Variants in STIM2 observed in about 807,000 individuals in gnomAD.
The protein encoded by STIM2 is stromal interaction molecule 2.
Under a neutral mutation model 85.8 loss-of-function variants are expected in STIM2, and 31 were observed. That is an observed-to-expected ratio of 0.36 (90% CI 0.27 to 0.49). The LOEUF (loss-of-function observed/expected upper bound fraction) is 0.49. Ranked by LOEUF, STIM2 falls within the 20% of genes least tolerant of loss-of-function variation. The pLI is 0.98. For missense variants in STIM2, 841 were observed against 927.6 expected (o/e 0.91, Z 1.21); for synonymous variants, 356 against 331.1 (o/e 1.08, Z -0.82).
chr4:26,887,340 C>G (rs1723295991), intron 1 of STIM2, among the ~76,000 whole-genome samples: 1 of 151,990 alleles, frequency 6.6e-6, no homozygotes, highest in Non-Finnish European at 1.5e-5. Flanking sequence ...TAAGATCACA[C>G]CGTGCTGTTA....
intron 3 of STIM2, among the ~76,000 whole-genome samples, chr4:26,964,282 C>A (rs1400551066): frequency 1.3e-4 from 20 of 151,900 alleles, no homozygotes; most frequent in Admixed American, 1.2e-3. Context: ...CTGTATCTGT[C>A]TTGATAGCAA....
intron 1 of STIM2, among the ~76,000 whole-genome samples, chr4:26,905,650 T>C (rs1483726848): frequency 6.6e-6 from 1 of 152,108 alleles, no homozygotes; most frequent in Non-Finnish European, 1.5e-5. Flanking sequence ...AAAGAGAAAA[T>C]TTTGTAGCAT....
At chr4:26,933,749 A>AT (rs900503620) in intron 2 of STIM2, among the ~76,000 whole-genome samples, 1 of 151,410 alleles carries the variant, frequency 6.6e-6, no homozygotes, top group African/African-American at 2.4e-5. Flanking sequence ...AAAAAAAAAA[A>AT]AAAAAACAAG....
At chr4:26,987,681 C>T (rs954594752) in intron 3 of STIM2, among the ~76,000 whole-genome samples, 1 of 152,206 alleles carries the variant, frequency 6.6e-6, no homozygotes, top group African/African-American at 2.4e-5. Context: ...TGATGAAGAA[C>T]TGACGTAGCT....
intron 2 of STIM2, among the ~76,000 whole-genome samples, chr4:26,942,770 T>G (rs539729526): frequency 1.3e-5 from 2 of 152,254 alleles, no homozygotes; most frequent in South Asian, 4.1e-4. Flanking sequence ...GGTTTCCCCT[T>G]TATCTCCTTG....
chr4:26,995,357 A>G (rs368372737), intron 3 of STIM2, 22 bp from the exon 4 acceptor site: 3 of 1,374,506 alleles, frequency 2.2e-6, no homozygotes, highest in Non-Finnish European at 2.0e-6. Flanking sequence ...TAAAATATGC[A>G]TTCCCCTTTT....
At chr4:26,995,043 A>G (rs1460970389) in intron 3 of STIM2, among the ~76,000 whole-genome samples, 1 of 152,126 alleles carries the variant, frequency 6.6e-6, no homozygotes, top group African/African-American at 2.4e-5. Context: ...TTACAATACT[A>G]TATGGGTGGA....
chr4:26,862,393 A>G (rs1419092237), intron 1 of STIM2, among the ~76,000 whole-genome samples: 1 of 151,890 alleles, frequency 6.6e-6, no homozygotes, highest in Non-Finnish European at 1.5e-5. Context: ...TTGTAAGACT[A>G]AAAAGTTTAA....
intron 1 of STIM2, among the ~76,000 whole-genome samples, chr4:26,904,784 G>A (rs754223327): frequency 1.1e-3 from 168 of 150,762 alleles, no homozygotes; most frequent in Admixed American, 2.0e-3. Context: ...TTTAAAGGAT[G>A]GGAGCAAAAG....
rs574296469 is a variant in STIM2 at position 26,870,223 on chromosome 4, G to C, written c.151+8854G>C. Among the ~76,000 whole-genome samples the C allele has an allele frequency of 1.1e-4, 16 of 151,660 alleles. No individual in the cohort carries two copies. The East Asian group carries it at 1.9e-3, about 18-fold the overall frequency. On this transcript the variant is annotated intron_variant, in intron 1 of 11. Transcript: ENST00000467087. ...TCGGAGATCTAATGTACAACAGTGT[G>C]ACTGTAGTTAATAGTGTCATATACT...
At chr4:27,011,316 A>G (rs1274095876) in intron 10 of STIM2, among the ~76,000 whole-genome samples, 2 of 152,238 alleles carry the variant, frequency 1.3e-5, no homozygotes, top group Non-Finnish European at 2.9e-5. Flanking sequence ...GATGAATTAA[A>G]GTCACTGCTT....
At chr4:26,917,524 G>A (rs545853341) in intron 1 of STIM2, among the ~76,000 whole-genome samples, 1 of 150,994 alleles carries the variant, frequency 6.6e-6, no homozygotes, top group Admixed American at 6.6e-5. Context: ...GTAGACTTGA[G>A]AGAGAGTATT....
rs755800120 is a variant in STIM2 at position 26,957,568 on chromosome 4, A to G, written c.283-44A>G. Reference sequence around the variant, plus strand: ...ATCTTTTTCTCTAGTTGTCAAGACTAAGGTAATGAATTTATATTTAACTTA... The same window carrying G: ...ATCTTTTTCTCTAGTTGTCAAGACTGAGGTAATGAATTTATATTTAACTTA... On this transcript the variant is annotated intron_variant, in intron 2 of 11. Coordinates refer to ENST00000467087, the MANE Select transcript of STIM2 (RefSeq NM_020860.4). 1.8e-5 allele frequency: 20 copies of G among 1,134,816 alleles called. No homozygotes were observed. The African/African-American group carries it at 2.9e-4, about 17-fold the overall frequency. 70.3% of individuals were successfully genotyped at this position (1,134,816 alleles called of 1,614,324 possible).
At chr4:27,015,657 G>A (rs143299829) in intron 10 of STIM2, among the ~76,000 whole-genome samples, 4 of 152,070 alleles carry the variant, frequency 2.6e-5, no homozygotes, top group African/African-American at 9.6e-5. Flanking sequence ...CTGTTGAGAA[G>A]TTTGTAGTCA....
intron 3 of STIM2, among the ~76,000 whole-genome samples, chr4:26,973,675 G>A (rs1727067133): frequency 6.6e-6 from 1 of 152,176 alleles, no homozygotes; most frequent in African/African-American, 2.4e-5. Flanking sequence ...GTCAATTTTA[G>A]AATAAGTGCG....
intron 1 of STIM2, among the ~76,000 whole-genome samples, chr4:26,895,345 A>G (rs1341618732): frequency 6.6e-6 from 1 of 152,052 alleles, no homozygotes; most frequent in Non-Finnish European, 1.5e-5. Flanking sequence ...TAGGTACTGT[A>G]TTTATTCTTA....
At chr4:26,970,059 T>C (rs1212765907) in intron 3 of STIM2, among the ~76,000 whole-genome samples, 2 of 150,714 alleles carry the variant, frequency 1.3e-5, no homozygotes, top group African/African-American at 4.9e-5. Context: ...TTTTCCAAAA[T>C]AAAAAAAATG....
At chr4:27,007,789 T>C in intron 8 of STIM2, 89 bp downstream of exon 8, 1 of 1,341,380 alleles carries the variant, frequency 7.5e-7, no homozygotes, top group Non-Finnish European at 9.9e-7. Context: ...CAGATCTGAA[T>C]AAAAGTTTTA....
At chr4:26,885,859 A>ATGTGTATATATATATATATATG (rs1396343361) in intron 1 of STIM2, among the ~76,000 whole-genome samples, 2 of 89,440 alleles carry the variant, frequency 2.2e-5, no homozygotes, top group African/African-American at 4.2e-5. Context: ...ATATATATAT[A>ATGTGTATATATATATATATATG]TATATATATA....
Sources: allele counts gnomAD v4.1 joint callset (sites outside exome capture counted in the v4.1 genomes callset), GRCh38; gene constraint gnomAD v4.1.1; transcripts MANE v1.5; gene names NCBI Gene and HGNC (gene_info 2026-07-23, HGNC 2026-07-21).